The following SLC24A2 variants were observed in gnomAD, a reference collection of about 807,000 sequenced individuals.
SLC24A2 encodes the protein solute carrier family 24 member 2.
Under a neutral mutation model 62.0 loss-of-function variants are expected in SLC24A2, and 36 were observed. That is an observed-to-expected ratio of 0.58 (90% CI 0.44 to 0.77). SLC24A2 has a LOEUF of 0.77. Ranked by LOEUF, SLC24A2 falls within the 30% of genes least tolerant of loss-of-function variation. The pLI is 0.00. For missense variants in SLC24A2, 846 were observed against 817.9 expected (o/e 1.03, Z -0.42); for synonymous variants, 358 against 294.0 (o/e 1.22, Z -2.23).
chr9:19,655,815 T>C (rs1213014311), intron 2 of SLC24A2, among the ~76,000 whole-genome samples: 1 of 152,106 alleles, frequency 6.6e-6, no homozygotes, highest in East Asian at 1.9e-4. Context: ...TGAGAGCAAT[T>C]TTGAGTTCAT....
chr9:20,186,191 A>G, the SLC24A2 span, among the ~76,000 whole-genome samples: 1 of 152,044 alleles, frequency 6.6e-6, no homozygotes, highest in Non-Finnish European at 1.5e-5. Context: ...TGATCATTTG[A>G]CCAGTCTTGA....
At chr9:20,299,863 T>C in the SLC24A2 span, among the ~76,000 whole-genome samples, 2 of 152,228 alleles carry the variant, frequency 1.3e-5, no homozygotes, top group African/African-American at 4.8e-5. Flanking sequence ...ATTGCTCTTT[T>C]CACTACATCA....
chr9:20,285,370 T>C, the SLC24A2 span, among the ~76,000 whole-genome samples: 1 of 152,180 alleles, frequency 6.6e-6, no homozygotes, highest in Non-Finnish European at 1.5e-5. Context: ...GCAGAGTGAA[T>C]CGGCAAGCTG....
intron 5 of SLC24A2, among the ~76,000 whole-genome samples, chr9:19,595,174 A>G (rs1315750370): frequency 6.6e-6 from 1 of 152,228 alleles, no homozygotes; most frequent in Non-Finnish European, 1.5e-5. Context: ...GCTGCAGTAC[A>G]CAGCAGCATA....
the SLC24A2 span, among the ~76,000 whole-genome samples, chr9:20,243,769 C>A: frequency 6.6e-6 from 1 of 152,102 alleles, no homozygotes; most frequent in South Asian, 2.1e-4. Flanking sequence ...TATGACCTCA[C>A]TTTTTGGGGG....
chr9:20,251,157 G>A, the SLC24A2 span, among the ~76,000 whole-genome samples: 1 of 152,130 alleles, frequency 6.6e-6, no homozygotes, highest in Admixed American at 6.6e-5. Flanking sequence ...CAACCTTTGG[G>A]AAAATCTTGA....
At chr9:19,766,027 T>C (rs1247710811) in intron 2 of SLC24A2, among the ~76,000 whole-genome samples, 1 of 152,220 alleles carries the variant, frequency 6.6e-6, no homozygotes, top group Non-Finnish European at 1.5e-5. Context: ...CTTGTCTTCA[T>C]GCTTTATTTC....
intron 2 of SLC24A2, among the ~76,000 whole-genome samples, chr9:19,720,506 C>A (rs1188350103): frequency 1.3e-5 from 2 of 152,182 alleles, no homozygotes; most frequent in African/African-American, 4.8e-5. Context: ...AGTGAACACA[C>A]GGATTATGAG....
chr9:19,692,407 T>C lies in SLC24A2; in HGVS notation c.931-70108A>G, dbSNP rs529605676. Among the ~76,000 whole-genome samples, 3 of 152,260 alleles carry C rather than the reference T, an allele frequency of 2.0e-5. No homozygotes were observed. The East Asian group carries it at 5.8e-4, about 29-fold the overall frequency. On this transcript the variant is annotated intron_variant, in intron 2 of 10. Coordinates refer to ENST00000341998, the MANE Select transcript of SLC24A2 (RefSeq NM_020344.4). ...GATTCATGCTAGAAAAAATAGACTG[T>C]AATTTAGATATTGTTTGAAGATGGA...
At chr9:20,183,636 T>A in the SLC24A2 span, among the ~76,000 whole-genome samples, 1 of 152,226 alleles carries the variant, frequency 6.6e-6, no homozygotes, top group Non-Finnish European at 1.5e-5. Flanking sequence ...GGATATGCAC[T>A]TGCTCTGGGC....
At chr9:20,306,526 T>C in the SLC24A2 span, among the ~76,000 whole-genome samples, 137 of 152,316 alleles carry the variant, frequency 9.0e-4, no homozygotes, top group African/African-American at 3.3e-3. Context: ...TGCCTGGGGC[T>C]ACTATCCACC....
the SLC24A2 span, among the ~76,000 whole-genome samples, chr9:20,024,917 T>C: frequency 2.6e-4 from 40 of 152,154 alleles, no homozygotes; most frequent in African/African-American, 9.4e-4. Context: ...AAGAAAACCA[T>C]TGTAATTCAG....
chr9:19,975,714 T>G, the SLC24A2 span, among the ~76,000 whole-genome samples: 3 of 152,208 alleles, frequency 2.0e-5, no homozygotes, highest in African/African-American at 7.2e-5. Context: ...AACTTTTCAT[T>G]TGACTCATTT....
At chr9:19,848,165 A>G in the SLC24A2 span, among the ~76,000 whole-genome samples, 2 of 117,082 alleles carry the variant, frequency 1.7e-5, no homozygotes, top group African/African-American at 2.5e-5. Context: ...AAACTTGTAT[A>G]GAAGAGGGGT....
chr9:19,551,647 C>A (rs1834851241), intron 7 of SLC24A2, among the ~76,000 whole-genome samples: 1 of 152,142 alleles, frequency 6.6e-6, no homozygotes, highest in Non-Finnish European at 1.5e-5. Flanking sequence ...TTGCTTCCAG[C>A]ACCATACACT....
chr9:20,243,953 G>T, the SLC24A2 span, among the ~76,000 whole-genome samples: 1 of 142,658 alleles, frequency 7.0e-6, no homozygotes, highest in Non-Finnish European at 1.5e-5. Context: ...GAGGAAGGGA[G>T]TGGGGAGGAG....
intron 2 of SLC24A2, among the ~76,000 whole-genome samples, chr9:19,646,321 C>T (rs544890734): frequency 1.1e-4 from 16 of 152,196 alleles, no homozygotes; most frequent in African/African-American, 3.4e-4. Flanking sequence ...GTGCTTTTAC[C>T]CAACAGATCA....
At chr9:20,013,482 G>C in the SLC24A2 span, among the ~76,000 whole-genome samples, 526 of 152,156 alleles carry the variant, frequency 3.5e-3, 3 homozygotes, top group Non-Finnish European at 6.0e-3. Flanking sequence ...TGAGGGAAAT[G>C]CTTCATGACA....
chr9:19,800,766 G>A, the SLC24A2 span, among the ~76,000 whole-genome samples: 2 of 152,070 alleles, frequency 1.3e-5, no homozygotes, highest in African/African-American at 4.8e-5. Flanking sequence ...AAATAATGAT[G>A]TAATGGACAT....
Sources: allele counts gnomAD v4.1 joint callset (sites outside exome capture counted in the v4.1 genomes callset), GRCh38; gene constraint gnomAD v4.1.1; transcripts MANE v1.5; gene names NCBI Gene and HGNC (gene_info 2026-07-23, HGNC 2026-07-21).